The following HYLS1 variants were observed in gnomAD, a reference collection of about 807,000 sequenced individuals.
HYLS1 encodes the protein centriolar and ciliogenesis-associated protein HYLS1.
Under a neutral mutation model 29.4 loss-of-function variants are expected in HYLS1, and 25 were observed. That is an observed-to-expected ratio of 0.85 (90% CI 0.62 to 1.19). HYLS1 has a LOEUF of 1.19. Among genes scored for constraint, HYLS1 ranks in the 50% most tolerant of loss-of-function variants. HYLS1 has a pLI of 0.00. For synonymous variants in HYLS1, 128 were observed against 126.7 expected, an observed-to-expected ratio of 1.01 and a Z score of -0.07; for missense variants, 352 against 365.1, an observed-to-expected ratio of 0.96 and a Z score of 0.29.
chr11:125,892,105 G>A (rs1469372663), intron 2 of HYLS1, among the ~76,000 whole-genome samples: 1 of 152,090 alleles, frequency 6.6e-6, no homozygotes, highest in African/African-American at 2.4e-5. Flanking sequence ...GTAAATTAGA[G>A]GATCAGGGTC....
chr11:125,900,344 C>T lies in HYLS1; in HGVS notation c.*76C>T, dbSNP rs145788945. On this transcript the variant is annotated 3_prime_UTR_variant, in exon 3 of 3. Coordinates refer to ENST00000425380, the MANE Select transcript of HYLS1 (RefSeq NM_001134793.2). ...TATCTTCCCTTTTAAATAGAAACAA[C>T]TGTCTTGAGAAGCTCTTCGAAACAT... The T allele has an allele frequency of 2.9e-3, 4,176 of 1,424,952 alleles. 16 individuals are homozygous for T. The highest frequency in any genetic ancestry group is 3.5e-3 in the Non-Finnish European group (3,594 of 1,012,848). 88.3% of individuals were successfully genotyped at this position (1,424,952 alleles called of 1,614,324 possible).
At chr11:125,885,432 C>G (rs900643491), upstream of HYLS1, among the ~76,000 whole-genome samples, 4 of 151,350 alleles carry the variant, frequency 2.6e-5, no homozygotes, top group Non-Finnish European at 5.9e-5. Context: ...GCCTGGGCTA[C>G]AGAGAGAGAC....
At chr11:125,892,394 GTATT>G (rs751514134) in intron 2 of HYLS1, among the ~76,000 whole-genome samples, 8 of 152,186 alleles carry the variant, frequency 5.3e-5, no homozygotes, top group Non-Finnish European at 8.8e-5. Context: ...AAAGGATAAT[GTATT>G]TAAGACAACT....
At chr11:125,884,406 G>C (rs985222643), upstream of HYLS1, among the ~76,000 whole-genome samples, 1 of 149,734 alleles carries the variant, frequency 6.7e-6, no homozygotes, top group African/African-American at 2.5e-5. Flanking sequence ...TCAGGAGATC[G>C]AGACCATCCT....
chr11:125,899,937 G>A lies in HYLS1; in HGVS notation c.569G>A (p.Ser190Asn). 6.2e-7 allele frequency: 1 copy of A among 1,614,244 alleles called. No homozygotes were observed. The highest frequency in any genetic ancestry group is 8.5e-7 in the Non-Finnish European group (1 of 1,180,052). ...TACGAACAAGACCTGATTGTTGCCAGCAGACCCAAGTCCTTTATTCTCCCA... is the reference window on the plus strand; with the variant it reads ...TACGAACAAGACCTGATTGTTGCCAACAGACCCAAGTCCTTTATTCTCCCA... ...PAYEQDLIVA[S>N]RPKSFILPKL... The change falls in exon 3 of 3, where the codon AGC becomes AAC. Residue 190 changes from serine to asparagine, a missense_variant. Ser to Asn is a conservative substitution (Grantham distance 46, BLOSUM62 1). Transcript: ENST00000425380.
At chr11:125,888,996 T>G (rs1366462572) in intron 1 of HYLS1, among the ~76,000 whole-genome samples, 1 of 152,168 alleles carries the variant, frequency 6.6e-6, no homozygotes, top group Non-Finnish European at 1.5e-5. Context: ...CATCAAACAC[T>G]GTTCACATTT....
intron 2 of HYLS1, among the ~76,000 whole-genome samples, chr11:125,891,866 T>C (rs989240263): frequency 2.0e-5 from 3 of 152,220 alleles, no homozygotes; most frequent in African/African-American, 4.8e-5. Context: ...AATCTGGAAC[T>C]GTTTCAGTGA....
intron 2 of HYLS1, chr11:125,893,536 G>A (rs1348966738): frequency 2.9e-6 from 1 of 350,850 alleles, no homozygotes; most frequent in Non-Finnish European, 5.1e-6. Context: ...CAGGTTTCCA[G>A]GTGTATGTAA....
chr11:125,894,211 A>C, intron 2 of HYLS1: 1 of 1,613,870 alleles, frequency 6.2e-7, no homozygotes, highest in Non-Finnish European at 8.5e-7. Flanking sequence ...TGAACTCCTG[A>C]GCCTCCTGGT....
intron 2 of HYLS1, chr11:125,895,662 G>A: frequency 1.2e-6 from 2 of 1,614,198 alleles, no homozygotes; most frequent in Non-Finnish European, 8.5e-7. Flanking sequence ...GATGTCTGGA[G>A]GGAGTACCCG....
chr11:125,890,272 G>A (rs565220500), intron 1 of HYLS1, among the ~76,000 whole-genome samples: 2 of 145,822 alleles, frequency 1.4e-5, no homozygotes, highest in African/African-American at 2.5e-5. Flanking sequence ...CGTTTGGTAC[G>A]GCATCTGTCT....
At chr11:125,894,414 A>G (rs910933618) in intron 2 of HYLS1, 7 of 683,398 alleles carry the variant, frequency 1.0e-5, no homozygotes, top group Non-Finnish European at 1.7e-5. Context: ...ATTGCCTAAT[A>G]GCTGAGAAAA....
chr11:125,885,789 T>C (rs1944295858), upstream of HYLS1, among the ~76,000 whole-genome samples: 1 of 152,250 alleles, frequency 6.6e-6, no homozygotes, highest in African/African-American at 2.4e-5. Flanking sequence ...CTGCCTGAGC[T>C]CTGCCTTCCG....
At chr11:125,894,035 G>T (rs1464716118) in intron 2 of HYLS1, 8 of 1,614,072 alleles carry the variant, frequency 5.0e-6, no homozygotes, top group Non-Finnish European at 6.8e-6. Flanking sequence ...AAAGGCACTG[G>T]TCTGCTTTAT....
upstream of HYLS1, among the ~76,000 whole-genome samples, chr11:125,884,912 T>C (rs1944281786): frequency 6.6e-6 from 1 of 152,162 alleles, no homozygotes; most frequent in African/African-American, 2.4e-5. Context: ...CTATATACTG[T>C]ATTTTAAGTG....
At chr11:125,894,917 T>C (rs1944528039) in intron 2 of HYLS1, among the ~76,000 whole-genome samples, 1 of 152,152 alleles carries the variant, frequency 6.6e-6, no homozygotes, top group Non-Finnish European at 1.5e-5. Context: ...GATAGAACAA[T>C]GAGAGGAAAT....
intron 2 of HYLS1, among the ~76,000 whole-genome samples, chr11:125,894,498 T>C (rs935188657): frequency 3.9e-5 from 6 of 152,186 alleles, no homozygotes; most frequent in African/African-American, 1.4e-4. Context: ...ATCAACCTGA[T>C]CTATGTAAGG....
intron 1 of HYLS1, among the ~76,000 whole-genome samples, chr11:125,890,639 T>C (rs1944393085): frequency 6.6e-6 from 1 of 152,222 alleles, no homozygotes; most frequent in Admixed American, 6.5e-5. Flanking sequence ...TCACTAAGAC[T>C]TTTGAAGAGA....
In HYLS1 at chr11:125,898,530, C is replaced by T. The variant is rs183078107; in HGVS notation, c.-25-814C>T. Among the ~76,000 whole-genome samples the T allele has an allele frequency of 1.4e-3, 210 of 152,136 alleles. 5 individuals carry two copies. In the South Asian group the frequency reaches 0.023, roughly 17 times the overall value. On this transcript the variant is annotated intron_variant, in intron 2 of 2. Transcript: ENST00000425380. ...TCTCTACTAAAAATTCAAAAATTAGCCAGGCGTGGTGGCCCACACCTGTAG... is the reference window on the plus strand; with the variant it reads ...TCTCTACTAAAAATTCAAAAATTAGTCAGGCGTGGTGGCCCACACCTGTAG...
Sources: gnomAD v4.1 joint callset for allele counts (sites outside exome capture counted in the v4.1 genomes callset) on GRCh38, gnomAD v4.1.1 for gene constraint, MANE v1.5 for transcripts, NCBI Gene and HGNC (gene_info 2026-07-23, HGNC 2026-07-21) for gene names.